The following CAMK1D variants were observed in gnomAD, a reference collection of about 807,000 sequenced individuals.
CAMK1D encodes calcium/calmodulin-dependent protein kinase type 1D.
CAMK1D carries 9 observed loss-of-function variants against 47.7 expected under a neutral mutation model. The observed-to-expected ratio is 0.19, with a 90% CI of 0.11 to 0.33. CAMK1D has a LOEUF of 0.33. Ranked by LOEUF, CAMK1D falls within the 10% of genes least tolerant of loss-of-function variation. The pLI, the probability that CAMK1D is intolerant of heterozygous loss-of-function variation, is 1.00. For synonymous variants in CAMK1D, 184 were observed against 184.9 expected, an observed-to-expected ratio of 0.99 and a Z score of 0.04; for missense variants, 291 against 488.7, an observed-to-expected ratio of 0.60 and a Z score of 3.81.
chr10:12,749,589 C>T (rs567540897), intron 3 of CAMK1D, among the ~76,000 whole-genome samples: 70 of 126,546 alleles, frequency 5.5e-4, no homozygotes, highest in African/African-American at 2.2e-3. Context: ...GATGAAGTCT[C>T]GCTCTGTCAC....
intron 1 of CAMK1D, among the ~76,000 whole-genome samples, chr10:12,387,194 A>T (rs7895768): frequency 7.0e-6 from 1 of 143,882 alleles, no homozygotes. Flanking sequence ...TCCAAGAGAG[A>T]CTCCATCTCA....
At chr10:12,615,112 G>T (rs1479445628) in intron 2 of CAMK1D, among the ~76,000 whole-genome samples, 1 of 152,184 alleles carries the variant, frequency 6.6e-6, no homozygotes, top group African/African-American at 2.4e-5. Context: ...GAGCCCCAAA[G>T]GGTTCCTGAG....
intron 3 of CAMK1D, among the ~76,000 whole-genome samples, chr10:12,752,443 C>T (rs1018819024): frequency 3.3e-5 from 5 of 152,064 alleles, no homozygotes; most frequent in East Asian, 1.9e-4. Context: ...ATTGGAGACT[C>T]GGGAGGGTAG....
chr10:12,703,525 C>T (rs1332141248), intron 3 of CAMK1D, among the ~76,000 whole-genome samples: 1 of 152,186 alleles, frequency 6.6e-6, no homozygotes, highest in Non-Finnish European at 1.5e-5. Context: ...GTTAACGGCT[C>T]TGTCAAACAG....
chr10:12,812,117 G>A (rs755494729), intron 6 of CAMK1D, among the ~76,000 whole-genome samples: 3 of 152,204 alleles, frequency 2.0e-5, no homozygotes, highest in Non-Finnish European at 4.4e-5. Context: ...TGCGTCCCAC[G>A]GGAGGAACAG....
intron 2 of CAMK1D, among the ~76,000 whole-genome samples, chr10:12,575,431 G>C (rs772118877): frequency 2.0e-4 from 31 of 152,208 alleles, no homozygotes; most frequent in Non-Finnish European, 3.5e-4. Context: ...AAAACAATTT[G>C]ATATCCTGTC....
At chr10:12,374,787 C>T (rs566972143) in intron 1 of CAMK1D, among the ~76,000 whole-genome samples, 2 of 151,786 alleles carry the variant, frequency 1.3e-5, no homozygotes, top group Non-Finnish European at 2.9e-5. Flanking sequence ...ACTAAAGATA[C>T]AAAAAATTAG....
chr10:12,805,670 A>G (rs1265759162), intron 6 of CAMK1D, among the ~76,000 whole-genome samples: 1 of 152,162 alleles, frequency 6.6e-6, no homozygotes, highest in Admixed American at 6.5e-5. Flanking sequence ...GCGCCTGGCC[A>G]ATAGGCCGAT....
chr10:12,789,855 A>T (rs1837900839), intron 5 of CAMK1D, among the ~76,000 whole-genome samples: 1 of 152,246 alleles, frequency 6.6e-6, no homozygotes, highest in Admixed American at 6.5e-5. Flanking sequence ...ATTTTCTGGA[A>T]AGTCTGTGCT....
At chr10:12,605,696 G>T (rs1307493277) in intron 2 of CAMK1D, among the ~76,000 whole-genome samples, 1 of 152,120 alleles carries the variant, frequency 6.6e-6, no homozygotes, top group Non-Finnish European at 1.5e-5. Flanking sequence ...GGGCTGCGGT[G>T]CCACTGGCAG....
At chr10:12,677,059 G>A (rs1840833410) in intron 3 of CAMK1D, among the ~76,000 whole-genome samples, 1 of 152,096 alleles carries the variant, frequency 6.6e-6, no homozygotes, top group Admixed American at 6.6e-5. Flanking sequence ...TTGGTTCCTG[G>A]TACCCCCAAG....
intron 3 of CAMK1D, among the ~76,000 whole-genome samples, chr10:12,708,751 C>T (rs1564509389): frequency 6.6e-6 from 1 of 152,128 alleles, no homozygotes; most frequent in African/African-American, 2.4e-5. Context: ...GTTAGGGACT[C>T]TTTGGTAATA....
chr10:12,684,493 T>C (rs975244275), intron 3 of CAMK1D, among the ~76,000 whole-genome samples: 1 of 151,852 alleles, frequency 6.6e-6, no homozygotes, highest in East Asian at 1.9e-4. Flanking sequence ...AGATAACTAA[T>C]TTAAAAAAAA....
intron 1 of CAMK1D, among the ~76,000 whole-genome samples, chr10:12,529,930 C>T (rs527857055): frequency 6.6e-6 from 1 of 152,164 alleles, no homozygotes; most frequent in African/African-American, 2.4e-5. Context: ...GATCTCTTGT[C>T]CTGTGCTTTG....
At chr10:12,779,687 TC>T (rs1837408555) in intron 5 of CAMK1D, among the ~76,000 whole-genome samples, 1 of 152,162 alleles carries the variant, frequency 6.6e-6, no homozygotes. Context: ...TGCTTCATCC[TC>T]CCAAAGTGCT....
intron 1 of CAMK1D, among the ~76,000 whole-genome samples, chr10:12,462,761 A>G (rs1354142083): frequency 6.6e-6 from 1 of 152,086 alleles, no homozygotes; most frequent in Admixed American, 6.5e-5. Context: ...GCACGGTCAT[A>G]GCCCACTGCA....
At chr10:12,564,986 A>G (rs1009968097) in intron 2 of CAMK1D, among the ~76,000 whole-genome samples, 7 of 152,204 alleles carry the variant, frequency 4.6e-5, no homozygotes, top group Non-Finnish European at 1.0e-4. Flanking sequence ...AGATAGAAGG[A>G]CCACTTGAGG....
chr10:12,535,887 T>G (rs1835954116), intron 1 of CAMK1D, among the ~76,000 whole-genome samples: 1 of 152,190 alleles, frequency 6.6e-6, no homozygotes, highest in African/African-American at 2.4e-5. Flanking sequence ...TTGTGGTGTG[T>G]TATCTGTGGT....
At position 12,769,679 on chromosome 10, in the gene CAMK1D, A is replaced by G. The variant is rs1442102703; in HGVS notation, c.445A>G (p.Asn149Asp). The change falls in exon 5 of 11, where the codon AAT (asparagine) becomes GAT (aspartate). Residue 149 changes from asparagine (N) to aspartate (D), a missense_variant. Around this residue, in one of 2 missense-constraint regions of CAMK1D, gnomAD observed 219 missense variants for 424.3 expected, o/e 0.52. Coordinates refer to ENST00000619168, the MANE Select transcript of CAMK1D (RefSeq NM_153498.4). ...TTTCTTATTTTCTTTCTAGCCCGAAAATCTCTTGTACTACAGTCAAGATGA... is the reference window on the plus strand; with the variant it reads ...TTTCTTATTTTCTTTCTAGCCCGAAGATCTCTTGTACTACAGTCAAGATGA... ...GIVHRDLKPENLLYYSQDEES... is the reference protein window; with the variant it reads ...GIVHRDLKPEDLLYYSQDEES... 1.2e-6 allele frequency: 2 copies of G among 1,613,882 alleles called. No homozygotes were observed. Among genetic ancestry groups the G allele is most frequent in the Non-Finnish European group, 8.5e-7 (1 of 1,179,892 alleles).
Sources: allele counts gnomAD v4.1 joint callset (sites outside exome capture counted in the v4.1 genomes callset), GRCh38; gene constraint gnomAD v4.1.1; regional missense constraint gnomAD v4.1.1; transcripts MANE v1.5; gene names NCBI Gene and HGNC (gene_info 2026-07-23, HGNC 2026-07-21).